Variants in CDKL3 observed in about 807,000 individuals in gnomAD.
The protein encoded by CDKL3 is cyclin dependent kinase like 3.
In CDKL3, 65 loss-of-function variants were observed where a neutral mutation model predicts 69.3. The observed-to-expected ratio is 0.94, with a 90% CI of 0.77 to 1.15. CDKL3 has a LOEUF of 1.15. Among genes scored for constraint, CDKL3 ranks in the 50% most tolerant of loss-of-function variants. CDKL3 has a pLI of 0.00. For missense variants in CDKL3, 652 were observed against 689.2 expected (o/e 0.95, Z 0.61); for synonymous variants, 202 against 221.6 (o/e 0.91, Z 0.79).
intron 4 of CDKL3, among the ~76,000 whole-genome samples, chr5:134,344,391 A>G (rs561973158): frequency 6.6e-6 from 1 of 152,236 alleles, no homozygotes; most frequent in African/African-American, 2.4e-5. Context: ...TGTAAATCAC[A>G]TATCTGATAA....
At chr5:134,326,276 CA>C (rs1774173071) in intron 4 of CDKL3, among the ~76,000 whole-genome samples, 1 of 152,020 alleles carries the variant, frequency 6.6e-6, no homozygotes, top group Non-Finnish European at 1.5e-5. Context: ...TTTCAAAGAG[CA>C]ATAGAAGACA....
downstream of CDKL3, among the ~76,000 whole-genome samples, chr5:134,284,707 G>T (rs1764780204): frequency 6.6e-6 from 1 of 152,192 alleles, no homozygotes; most frequent in South Asian, 2.1e-4. Flanking sequence ...CCCCTGGGAA[G>T]GCATTCCTTT....
chr5:134,305,823 C>T (rs961500480), intron 10 of CDKL3, among the ~76,000 whole-genome samples: 1 of 151,990 alleles, frequency 6.6e-6, no homozygotes, highest in African/African-American at 2.4e-5. Context: ...GTTGTGAGGT[C>T]CCATTAGCGA....
chr5:134,308,555 C>A lies in CDKL3; in HGVS notation c.1035+19G>T, dbSNP rs1269187381. ...TATAATATAATTATACTGGCTGAAA[C>A]AAAAACCAAAGTTCTTACCTTTCCC... On this transcript the variant is annotated intron_variant, in intron 8 of 12. Coordinates refer to ENST00000265334, the MANE Select transcript of CDKL3 (RefSeq NM_001113575.2). 1.5e-5 allele frequency: 24 copies of A among 1,565,130 alleles called. No homozygotes were observed. The highest frequency in any genetic ancestry group is 2.8e-5 in the African/African-American group (2 of 72,400).
intron 4 of CDKL3, among the ~76,000 whole-genome samples, chr5:134,326,551 T>C (rs1223100472): frequency 6.6e-6 from 1 of 151,800 alleles, no homozygotes; most frequent in African/African-American, 2.4e-5. Flanking sequence ...TAAGGAAGGA[T>C]TAAAAAAAAC....
intron 11 of CDKL3, among the ~76,000 whole-genome samples, chr5:134,303,609 T>A (rs534757915): frequency 6.6e-6 from 1 of 152,064 alleles, no homozygotes; most frequent in South Asian, 2.1e-4. Context: ...TTTGGGAGGT[T>A]GAGACAGGTG....
intron 2 of CDKL3, among the ~76,000 whole-genome samples, chr5:134,365,906 C>T (rs988809873): frequency 1.7e-4 from 26 of 152,138 alleles, no homozygotes; most frequent in African/African-American, 6.0e-4. Context: ...AAATTCATGT[C>T]CCATTTCCTC....
chr5:134,365,945 CTT>C (rs1757308815), intron 2 of CDKL3, among the ~76,000 whole-genome samples: 1 of 152,086 alleles, frequency 6.6e-6, no homozygotes, highest in Admixed American at 6.5e-5. Context: ...AGGGAAAGGA[CTT>C]TGTGTTGATT....
chr5:134,330,839 A>C (rs1381201671), intron 4 of CDKL3, among the ~76,000 whole-genome samples: 3 of 152,008 alleles, frequency 2.0e-5, no homozygotes, highest in African/African-American at 4.8e-5. Context: ...TCCCAAAAAA[A>C]CCATTGCCAT....
At chr5:134,334,752 A>G (rs1237402960) in intron 4 of CDKL3, among the ~76,000 whole-genome samples, 4 of 152,170 alleles carry the variant, frequency 2.6e-5, no homozygotes, top group African/African-American at 4.8e-5. Context: ...CAATTTTAGA[A>G]TAAGTGTGAT....
chr5:134,354,901 C>G (rs1229326096), intron 3 of CDKL3, among the ~76,000 whole-genome samples: 1 of 151,176 alleles, frequency 6.6e-6, no homozygotes, highest in African/African-American at 2.4e-5. Flanking sequence ...GAGCTGAGAT[C>G]GTGCCACTGC....
At chr5:134,292,749 T>C (rs1038462108) in intron 8 of CDKL3, among the ~76,000 whole-genome samples, 8 of 151,876 alleles carry the variant, frequency 5.3e-5, no homozygotes, top group African/African-American at 1.9e-4. Context: ...ATAACAGGAA[T>C]GATAAAGGGA....
intron 3 of CDKL3, among the ~76,000 whole-genome samples, chr5:134,358,009 T>C (rs1268149617): frequency 5.9e-5 from 9 of 152,134 alleles, no homozygotes; most frequent in African/African-American, 1.9e-4. Flanking sequence ...AGCCCAGAAG[T>C]TGGAGGCTGC....
Position 134,288,906 on chromosome 5 carries a change from T to C in CDKL3, c.*678-2347A>G, listed in dbSNP as rs74646537. On this transcript the variant is annotated intron_variant and NMD_transcript_variant, in intron 8 of 8. Coordinates refer to the CDKL3 transcript ENST00000519312. ...GATACTAATCTGGACTCTCATAATA[T>C]GTGACTTTAAATAAAAATGGAATGT... is the stretch of plus-strand genomic sequence containing the variant. Among the ~76,000 whole-genome samples the C allele has an allele frequency of 1.3e-3, 195 of 151,948 alleles. No homozygotes were observed. The East Asian group carries it at 0.02, about 16-fold the overall frequency.
intron 4 of CDKL3, among the ~76,000 whole-genome samples, chr5:134,343,142 T>C (rs1463932139): frequency 1.3e-5 from 2 of 150,804 alleles, no homozygotes; most frequent in Non-Finnish European, 3.0e-5. Flanking sequence ...AAGGTGGAGG[T>C]TGCTGTGGGC....
At chr5:134,301,365 A>G (rs1409391719) in intron 12 of CDKL3, among the ~76,000 whole-genome samples, 1 of 152,216 alleles carries the variant, frequency 6.6e-6, no homozygotes, top group Non-Finnish European at 1.5e-5. Flanking sequence ...AACAAGCTCT[A>G]GGCCAAGACT....
intron 4 of CDKL3, among the ~76,000 whole-genome samples, chr5:134,337,831 T>C (rs538398763): frequency 2.0e-5 from 3 of 152,354 alleles, no homozygotes; most frequent in South Asian, 4.1e-4. Flanking sequence ...ATTGTTTTGA[T>C]AGAGGCTCTT....
At chr5:134,371,419 G>A, upstream of CDKL3, 1 of 799,186 alleles carries the variant, frequency 1.3e-6, no homozygotes, top group African/African-American at 1.8e-5. Context: ...GGCGGAGGGC[G>A]GAGGGATCCG....
chr5:134,326,736 G>A lies in CDKL3; in HGVS notation c.540-4833C>T, dbSNP rs549318102. Among the ~76,000 whole-genome samples, 869 of 149,416 alleles carry A rather than the reference G, an allele frequency of 5.8e-3. 5 individuals are homozygous for A. The highest frequency in any genetic ancestry group is 9.9e-3 in the Non-Finnish European group (669 of 67,596). On this transcript the variant is annotated intron_variant, in intron 4 of 12. Coordinates refer to ENST00000265334, the MANE Select transcript of CDKL3 (RefSeq NM_001113575.2). Reference sequence around the variant, plus strand: ...GCTCACTGCAACCTCCGCCTCCCAGGTTCAAGCGATTCTCCTGCCTCAGAA... The same window carrying A: ...GCTCACTGCAACCTCCGCCTCCCAGATTCAAGCGATTCTCCTGCCTCAGAA...
Sources: allele counts gnomAD v4.1 joint callset (sites outside exome capture counted in the v4.1 genomes callset), GRCh38; gene constraint gnomAD v4.1.1; transcripts MANE v1.5; gene names NCBI Gene and HGNC (gene_info 2026-07-23, HGNC 2026-07-21).